Variants in ZNF671 observed in about 807,000 individuals in gnomAD.
ZNF671 encodes zinc finger protein 671, also known as hypothetical protein FLJ23506.
Under a neutral mutation model 16.6 loss-of-function variants are expected in ZNF671, and 19 were observed. The ratio of observed to expected loss-of-function variants is 1.14; its 90% CI spans 0.80 to 1.68. The LOEUF is 1.68. ZNF671 is among the 40% of genes most tolerant of loss of function. ZNF671 has a pLI of 0.00. For missense variants in ZNF671, 637 were observed against 659.8 expected, an observed-to-expected ratio of 0.97 and a Z score of 0.38; for synonymous variants, 238 against 236.3, an observed-to-expected ratio of 1.01 and a Z score of -0.06.
intron 1 of ZNF671, chr19:57,727,101 C>A (rs552060394): frequency 3.4e-4 from 119 of 346,046 alleles, no homozygotes; most frequent in African/African-American, 2.3e-3. Flanking sequence ...TTAATCTCAA[C>A]GCCCTCAGAA....
chr19:57,725,781 A>G (rs1986023838), intron 1 of ZNF671, among the ~76,000 whole-genome samples: 1 of 151,082 alleles, frequency 6.6e-6, no homozygotes, highest in Non-Finnish European at 1.5e-5. Context: ...ATAAAATACA[A>G]AAATTAGCTG....
chr19:57,723,886 A>T (rs1188194080), intron 1 of ZNF671, among the ~76,000 whole-genome samples: 1 of 132,916 alleles, frequency 7.5e-6, no homozygotes, highest in Non-Finnish European at 1.6e-5. Flanking sequence ...AAAAAAAAAA[A>T]TACAAAAATT....
chr19:57,720,600 T>C lies in ZNF671; in HGVS notation c.1486A>G (p.Arg496Gly). The C allele has an allele frequency of 6.2e-7, 1 of 1,614,138 alleles. No individual in the cohort carries two copies. Among genetic ancestry groups the C allele is most frequent in the Non-Finnish European group, 8.5e-7 (1 of 1,180,014 alleles). Residue 496 changes from arginine to glycine, a missense_variant, in exon 4 of 4, where the codon AGG becomes GGG. Arg to Gly is a moderately radical substitution (Grantham distance 125). Transcript: ENST00000317398. ...KAFTQRPNLI[R>G]HWKVHTGERP... ...TCCCCAGTGTGGACTTTCCAGTGCC[T>C]GATGAGGTTGGGTCTTTGAGTGAAG...
In ZNF671 at chr19:57,727,570, A is replaced by G. The variant is rs367859064; in HGVS notation, c.-42T>C. 72 of 1,573,760 alleles carry G rather than the reference A, an allele frequency of 4.6e-5. No individual in the cohort carries two copies. In the African/African-American group the frequency reaches 7.2e-4, roughly 16 times the overall value. Reference sequence around the variant, plus strand: ...CAACACCTCCACCTGCGGCCCACACAAGCGTTACAGAACCCCGGCCAGGGA... The same window carrying G: ...CAACACCTCCACCTGCGGCCCACACGAGCGTTACAGAACCCCGGCCAGGGA... On this transcript the variant is annotated 5_prime_UTR_variant, in exon 1 of 4. Coordinates refer to ENST00000317398, the MANE Select transcript of ZNF671 (RefSeq NM_024833.3).
intron 1 of ZNF671, 27 bp from the exon 2 acceptor site, chr19:57,723,367 A>G: frequency 6.3e-7 from 1 of 1,583,056 alleles, no homozygotes; most frequent in Admixed American, 1.8e-5. Flanking sequence ...AGGAAGGACC[A>G]TAAAAAGTCT....
At chr19:57,726,911 C>T (rs1293780614) in intron 1 of ZNF671, 3 of 155,548 alleles carry the variant, frequency 1.9e-5, no homozygotes, top group Admixed American at 6.5e-5. Context: ...CACTCACCTG[C>T]CATTACTCTT....
intron 1 of ZNF671, among the ~76,000 whole-genome samples, chr19:57,723,655 G>A (rs149363785): frequency 5.3e-5 from 8 of 151,974 alleles, no homozygotes; most frequent in East Asian, 1.9e-4. Flanking sequence ...TCACAGGACC[G>A]TCAGCTCACA....
rs1039024478 is a variant in ZNF671 at position 57,727,610 on chromosome 19, C to T, written c.-82G>A. 15 of 1,530,086 alleles carry T rather than the reference C, an allele frequency of 9.8e-6. No homozygotes were observed. The African/African-American group carries it at 1.9e-4, about 20-fold the overall frequency. The allele number at this position is 1,530,086 out of a possible 1,614,324, so 94.8% of individuals were successfully genotyped here. A position where few individuals can be genotyped will look rare whatever the true frequency, so the allele number is the denominator to read the frequency against. On this transcript the variant is annotated 5_prime_UTR_variant, in exon 1 of 4. Coordinates refer to ENST00000317398, the MANE Select transcript of ZNF671 (RefSeq NM_024833.3). The stretch of plus-strand genomic sequence containing the variant: ...CCGGCCAGGGACAGCCTGACAGAAA[C>T]AAAATGTCCGCTACAAGGAGGAGCC...
At chr19:57,723,467 C>A in intron 1 of ZNF671, 127 bp from the exon 2 acceptor site, 2 of 1,018,350 alleles carry the variant, frequency 2.0e-6, no homozygotes, top group Non-Finnish European at 2.9e-6. Context: ...GCACTAGTAC[C>A]ACTGATCCTC....
In ZNF671 at chr19:57,721,403, G is replaced by C; in HGVS notation, c.683C>G (p.Ser228Cys). 6.2e-7 allele frequency: 1 copy of C among 1,614,208 alleles called. No homozygotes were observed. The highest frequency in any genetic ancestry group is 8.5e-7 in the Non-Finnish European group (1 of 1,180,042). ...CACATGGACTCTGCAGCTTTTCACA[G>C]AGTCTCTGCCCTCCTTCCTTGGGAA... is the stretch of plus-strand genomic sequence containing the variant. ...KLFPRKEGRD[S>C]VKSCRVHVPE... The change falls in exon 4 of 4, where the codon TCT becomes TGT. Residue 228 changes from serine to cysteine, a missense_variant. Ser to Cys is a moderately radical substitution (Grantham distance 112). Transcript: ENST00000317398.
chr19:57,720,622 G>T lies in ZNF671; in HGVS notation c.1464C>A (p.Phe488Leu). 6.2e-7 allele frequency: 1 copy of T among 1,614,214 alleles called. No homozygotes were observed. The highest frequency in any genetic ancestry group is 8.5e-7 in the Non-Finnish European group (1 of 1,180,044). ...PYECSKCGKA[F>L]TQRPNLIRHW... ...GCCTGATGAGGTTGGGTCTTTGAGT[G>T]AAGGCTTTCCCGCACTTGCTGCACT... The change falls in exon 4 of 4, where the codon TTC becomes TTA. Residue 488 changes from phenylalanine to leucine, a missense_variant. Phe to Leu is a conservative substitution (Grantham distance 22). Coordinates refer to ENST00000317398, the MANE Select transcript of ZNF671 (RefSeq NM_024833.3).
chr19:57,725,233 G>A (rs191215585), intron 1 of ZNF671, among the ~76,000 whole-genome samples: 89 of 152,052 alleles, frequency 5.9e-4, no homozygotes, highest in Non-Finnish European at 1.1e-3. Flanking sequence ...GGAGGCCGAG[G>A]CGGGTGGATC....
intron 1 of ZNF671, among the ~76,000 whole-genome samples, chr19:57,724,175 A>G (rs1011922861): frequency 1.3e-5 from 2 of 152,204 alleles, no homozygotes; most frequent in African/African-American, 4.8e-5. Flanking sequence ...CCTTTTTTCA[A>G]TCACAGGCAC....
chr19:57,724,616 C>A (rs1985985429), intron 1 of ZNF671, among the ~76,000 whole-genome samples: 2 of 151,946 alleles, frequency 1.3e-5, no homozygotes, highest in Admixed American at 1.3e-4. Context: ...AGCTCCATCT[C>A]CCAGGTTCAC....
rs746681059 is a variant in ZNF671 at position 57,727,481 on chromosome 19, C to A, written c.48G>T (p.Arg16=). The A allele has an allele frequency of 1.1e-5, 17 of 1,613,150 alleles. No individual in the cohort carries two copies. The highest frequency in any genetic ancestry group is 1.4e-5 in the Non-Finnish European group (16 of 1,179,644). ...SRDASDALQG[R]KCLRPRSRRL... is the part of the protein sequence containing the mutation. ...GTCTCGATCGGGGACGCAGGCACTT[C>A]CGTCCCTGCAGAGCATCAGACGCGT... The change falls in exon 1 of 4, where the codon CGG becomes CGT. Residue 16 remains arginine (R), a synonymous_variant. Transcript: ENST00000317398.
Position 57,719,836 on chromosome 19 carries a change from T to A in ZNF671, c.*645A>T, listed in dbSNP as rs1334884314. 6.5e-6 allele frequency: 1 copy of A among 153,172 alleles called. No individual in the cohort carries two copies. The highest frequency in any genetic ancestry group is 2.4e-5 in the African/African-American group (1 of 41,436). 9.5% of individuals were successfully genotyped at this position (153,172 alleles called of 1,614,324 possible). ...CTGGGTGACTTGGATATTGGATATA[T>A]CCATAACGAGCATCATATGAAATCA... On this transcript the variant is annotated 3_prime_UTR_variant, in exon 4 of 4. Coordinates refer to ENST00000317398, the MANE Select transcript of ZNF671 (RefSeq NM_024833.3).
intron 1 of ZNF671, among the ~76,000 whole-genome samples, chr19:57,724,544 T>A (rs935915281): frequency 4.0e-5 from 6 of 149,218 alleles, no homozygotes; most frequent in Admixed American, 2.0e-4. Flanking sequence ...TTTTTTTTTT[T>A]AGACAGATTC....
chr19:57,723,419 C>T, intron 1 of ZNF671, 79 bp from the exon 2 acceptor site: 1 of 1,502,680 alleles, frequency 6.7e-7, no homozygotes, highest in Non-Finnish European at 8.9e-7. Flanking sequence ...CAACATCCTG[C>T]TAACTAACCT....
Position 57,720,392 on chromosome 19 carries a change from C to G in ZNF671, c.*89G>C. The stretch of plus-strand genomic sequence containing the variant: ...CCTCCAGGGGAAGGCTTTCCTGCAT[C>G]TGCTGCACTCATTAACTACTGCTAG... On this transcript the variant is annotated 3_prime_UTR_variant, in exon 4 of 4. Transcript: ENST00000317398. The G allele has an allele frequency of 6.6e-7, 1 of 1,517,172 alleles. No homozygotes were observed. Among genetic ancestry groups the G allele is most frequent in the Non-Finnish European group, 8.9e-7 (1 of 1,128,366 alleles). The allele number at this position is 1,517,172 out of a possible 1,614,324, so 94.0% of individuals were successfully genotyped here.
Sources: allele counts gnomAD v4.1 joint callset (sites outside exome capture counted in the v4.1 genomes callset), GRCh38; gene constraint gnomAD v4.1.1; transcripts MANE v1.5; gene names NCBI Gene and HGNC (gene_info 2026-07-23, HGNC 2026-07-21).